The following UTRN variants were observed in gnomAD, a reference collection of about 807,000 sequenced individuals.
The protein encoded by UTRN is dystrophin-related protein 1.
Under a neutral mutation model 463.9 loss-of-function variants are expected in UTRN, and 283 were observed. The observed-to-expected ratio is 0.61, with a 90% confidence interval of 0.55 to 0.67. UTRN has a LOEUF of 0.67. UTRN is among the 30% of genes least tolerant of loss of function. The pLI is 0.00. For missense variants in UTRN, 3,922 were observed against 4,084.3 expected, an observed-to-expected ratio of 0.96 and a Z score of 1.08; for synonymous variants, 1,442 against 1,431.5, an observed-to-expected ratio of 1.01 and a Z score of -0.17.
At chr6:144,475,812 A>G (rs188968480) in intron 25 of UTRN, among the ~76,000 whole-genome samples, 31 of 152,092 alleles carry the variant, frequency 2.0e-4, no homozygotes, top group Admixed American at 3.9e-4. Flanking sequence ...GCAGTGGTGC[A>G]TGCTTGTAAT....
intron 2 of UTRN, among the ~76,000 whole-genome samples, chr6:144,397,597 T>C (rs1036206797): frequency 1.3e-5 from 2 of 152,172 alleles, no homozygotes; most frequent in Non-Finnish European, 2.9e-5. Flanking sequence ...TGTTTTCTTG[T>C]AGATACCAAA....
intron 2 of UTRN, among the ~76,000 whole-genome samples, chr6:144,366,739 A>G (rs1170112006): frequency 6.6e-6 from 1 of 152,092 alleles, no homozygotes; most frequent in Non-Finnish European, 1.5e-5. Context: ...TGATGGAATG[A>G]TTTATATTCC....
chr6:144,362,676 G>A (rs1213079671), intron 2 of UTRN, among the ~76,000 whole-genome samples: 1 of 152,184 alleles, frequency 6.6e-6, no homozygotes, highest in Admixed American at 6.5e-5. Context: ...GCCAAGACAT[G>A]GAAAAAGGTC....
chr6:144,635,362 G>T (rs773215473), intron 51 of UTRN, among the ~76,000 whole-genome samples: 2 of 151,544 alleles, frequency 1.3e-5, no homozygotes, highest in Admixed American at 1.3e-4. Flanking sequence ...CATTACCAAG[G>T]CTGCTCTCCA....
In UTRN at chr6:144,562,880, T is replaced by G. The variant is rs575364256; in HGVS notation, c.7289+5569T>G. Among the ~76,000 whole-genome samples the G allele has an allele frequency of 3.3e-5, 5 of 152,324 alleles. No homozygotes were observed. In the South Asian group the frequency reaches 1.0e-3, roughly 32 times the overall value. On this transcript the variant is annotated intron_variant, in intron 50 of 74. Coordinates refer to ENST00000367545, the MANE Select transcript of UTRN (RefSeq NM_007124.3). ...ACCAGCATCTGTTGTTTCTTGACTGTTTAATAATTGCCATTCTGACTAGCA... is the reference window on the plus strand; with the variant it reads ...ACCAGCATCTGTTGTTTCTTGACTGGTTAATAATTGCCATTCTGACTAGCA...
intron 2 of UTRN, among the ~76,000 whole-genome samples, chr6:144,299,604 G>A (rs757974169): frequency 2.0e-5 from 3 of 151,944 alleles, no homozygotes; most frequent in Non-Finnish European, 2.9e-5. Flanking sequence ...TCTCCACTGC[G>A]CTCCTTAGTT....
Position 144,793,910 on chromosome 6 carries a change from C to G in UTRN, c.8997C>G (p.Ile2999Met). ...RQLGLLLHDA[I>M]QIPRQLGEVA... ...TGGGCCTGTTACTTCATGATGCCAT[C>G]CAGATCCCCCGGCAGCTAGGTGAAG... Residue 2999 changes from isoleucine (I) to methionine (M), a missense_variant, in exon 63 of 75, where the codon ATC (isoleucine) becomes ATG (methionine). Physicochemically the swap from Ile to Met is conservative, Grantham distance 10. Around this residue, in one of 3 missense-constraint regions of UTRN, gnomAD observed 1,309 missense variants for 1,452.6 expected, o/e 0.90. Coordinates refer to ENST00000367545, the MANE Select transcript of UTRN (RefSeq NM_007124.3). 6.2e-7 allele frequency: 1 copy of G among 1,614,110 alleles called. No individual in the cohort carries two copies. Among genetic ancestry groups the G allele is most frequent in the Non-Finnish European group, 8.5e-7 (1 of 1,179,996 alleles).
chr6:144,417,551 T>C (rs1351855917), intron 3 of UTRN, among the ~76,000 whole-genome samples: 1 of 152,156 alleles, frequency 6.6e-6, no homozygotes, highest in Non-Finnish European at 1.5e-5. Flanking sequence ...TTGCTATCAT[T>C]ATGTCTAAGA....
At chr6:144,468,386 A>C (rs950614361) in intron 23 of UTRN, among the ~76,000 whole-genome samples, 2 of 152,120 alleles carry the variant, frequency 1.3e-5, no homozygotes, top group African/African-American at 4.8e-5. Flanking sequence ...AGAATATTTG[A>C]TATTTTGATT....
intron 33 of UTRN, among the ~76,000 whole-genome samples, chr6:144,495,168 G>A (rs1793490282): frequency 6.6e-6 from 1 of 152,236 alleles, no homozygotes; most frequent in African/African-American, 2.4e-5. Context: ...GCCCTTGGGT[G>A]GTCAATGGGA....
chr6:144,532,586 A>G (rs1156872315), intron 42 of UTRN, among the ~76,000 whole-genome samples: 1 of 152,216 alleles, frequency 6.6e-6, no homozygotes, highest in Non-Finnish European at 1.5e-5. Flanking sequence ...ACAATTCAAG[A>G]TGAGATTTGG....
At chr6:144,656,554 G>A (rs933367947) in intron 51 of UTRN, among the ~76,000 whole-genome samples, 1 of 152,090 alleles carries the variant, frequency 6.6e-6, no homozygotes, top group Non-Finnish European at 1.5e-5. Flanking sequence ...TGGGATTATC[G>A]TCATGGGCCA....
At chr6:144,335,906 C>T (rs1026964391) in intron 2 of UTRN, among the ~76,000 whole-genome samples, 1 of 152,148 alleles carries the variant, frequency 6.6e-6, no homozygotes, top group South Asian at 2.1e-4. Flanking sequence ...TGTCTCCTCA[C>T]TCTTGGCTCT....
intron 2 of UTRN, among the ~76,000 whole-genome samples, chr6:144,363,733 G>C (rs1331800848): frequency 6.6e-6 from 1 of 152,156 alleles, no homozygotes; most frequent in Non-Finnish European, 1.5e-5. Flanking sequence ...TGGGTTTAGA[G>C]CTGGGAGAGA....
chr6:144,453,118 T>C (rs1332938600), intron 18 of UTRN, among the ~76,000 whole-genome samples: 2 of 152,064 alleles, frequency 1.3e-5, no homozygotes, highest in African/African-American at 4.8e-5. Context: ...TTTCTATCCA[T>C]TTTTTCTGTT....
intron 2 of UTRN, among the ~76,000 whole-genome samples, chr6:144,357,265 C>T (rs1778648059): frequency 6.6e-6 from 1 of 152,102 alleles, no homozygotes. Flanking sequence ...ATACCAAATT[C>T]CCCTCATTTC....
chr6:144,291,889 A>G lies in UTRN; in HGVS notation c.61A>G (p.Ile21Val), dbSNP rs1193973545. The G allele has an allele frequency of 2.2e-5, 35 of 1,613,014 alleles. No individual in the cohort carries two copies. The highest frequency in any genetic ancestry group is 3.0e-5 in the Non-Finnish European group (35 of 1,179,520). ...PDNGQNEFSD[I>V]IKSRSDEHND... ...CAATGGGCAGAACGAATTCAGTGATATCATTAAGTCCAGATCTGGTAGGTA... is the reference window on the plus strand; with the variant it reads ...CAATGGGCAGAACGAATTCAGTGATGTCATTAAGTCCAGATCTGGTAGGTA... The change falls in exon 2 of 75, where the codon ATC becomes GTC. Residue 21 changes from isoleucine to valine, a missense_variant. Ile to Val is a conservative substitution (Grantham distance 29, BLOSUM62 3). Around this residue, in one of 3 missense-constraint regions of UTRN, gnomAD observed 264 missense variants for 327.9 expected, o/e 0.81. Transcript: ENST00000367545.
intron 59 of UTRN, 144 bp from the exon 60 acceptor site, chr6:144,774,145 AC>A (rs1233161916): frequency 1.3e-6 from 1 of 749,312 alleles, no homozygotes; most frequent in Admixed American, 3.2e-5. Context: ...TTTCTTAAAT[AC>A]GTGTTGGGGA....
At chr6:144,391,737 G>T (rs776370010) in intron 2 of UTRN, among the ~76,000 whole-genome samples, 2 of 152,182 alleles carry the variant, frequency 1.3e-5, no homozygotes, top group African/African-American at 2.4e-5. Context: ...CGCCTCCGGG[G>T]TTCACACCAT....
Sources: gnomAD v4.1 joint callset for allele counts (sites outside exome capture counted in the v4.1 genomes callset) on GRCh38, gnomAD v4.1.1 for gene constraint, gnomAD v4.1.1 regional missense constraint, MANE v1.5 for transcripts, NCBI Gene and HGNC (gene_info 2026-07-23, HGNC 2026-07-21) for gene names.